Variants in FBXW4 observed in about 807,000 individuals in gnomAD.
FBXW4 encodes the protein F-box and WD repeat domain containing 4.
In FBXW4, 40 loss-of-function variants were observed where a neutral mutation model predicts 61.8. The observed-to-expected ratio is 0.65, with a 90% CI of 0.50 to 0.84. The LOEUF (loss-of-function observed/expected upper bound fraction) is 0.84. Ranked by LOEUF, FBXW4 falls within the 40% of genes least tolerant of loss-of-function variation. The pLI is 0.00. For synonymous variants in FBXW4, 311 were observed against 313.8 expected (o/e 0.99, Z 0.10); for missense variants, 672 against 753.8 (o/e 0.89, Z 1.27).
rs753318722 is a variant in FBXW4, at chr10:101,667,844, T to G, written c.1235+42A>C. 5.2e-6 allele frequency: 8 copies of G among 1,527,716 alleles called. No individual in the cohort carries two copies. The East Asian group carries it at 1.8e-4, about 35-fold the overall frequency. 94.6% of individuals were successfully genotyped at this position (1,527,716 alleles called of 1,614,324 possible). On this transcript the variant is annotated intron_variant, in intron 5 of 8. Transcript: ENST00000331272. ...ACCTGATCTAGTAAAATAAAAGCATTATTATACAGGACAAAACCACATCCA... is the reference window on the plus strand; with the variant it reads ...ACCTGATCTAGTAAAATAAAAGCATGATTATACAGGACAAAACCACATCCA...
intron 5 of FBXW4, among the ~76,000 whole-genome samples, chr10:101,632,216 A>C (rs559402289): frequency 5.1e-4 from 77 of 152,110 alleles, no homozygotes; most frequent in Admixed American, 9.2e-4. Flanking sequence ...TTCTCTACAC[A>C]CACACACACA....
chr10:101,629,696 A>G (rs1192040862), intron 5 of FBXW4, among the ~76,000 whole-genome samples: 1 of 151,860 alleles, frequency 6.6e-6, no homozygotes. Flanking sequence ...GTCAGTCTTG[A>G]TTCCAGACCC....
At chr10:101,695,218 G>A (rs1444880797), upstream of FBXW4, 2 of 983,702 alleles carry the variant, frequency 2.0e-6, no homozygotes, top group African/African-American at 3.5e-5. This position sits in a 1 kb window ranked among gnomAD's most constrained non-coding sequence, Gnocchi z 4.2. Context: ...CGCGGGCCGA[G>A]CCCTGGGCAC....
intron 5 of FBXW4, chr10:101,660,342 G>GGGC: frequency 8.2e-6 from 1 of 122,392 alleles, no homozygotes; most frequent in Non-Finnish European, 1.7e-5. Context: ...GGGGGGGTGG[G>GGGC]TGCTGCATGT....
At chr10:101,624,891 G>T in intron 5 of FBXW4, 81 bp from the exon 6 acceptor site, 1 of 1,458,924 alleles carries the variant, frequency 6.9e-7, no homozygotes, top group Non-Finnish European at 9.6e-7. Context: ...GAAATGCCGT[G>T]CTCATTCCCT....
At chr10:101,634,384 CA>C (rs2063983626) in intron 5 of FBXW4, among the ~76,000 whole-genome samples, 1 of 148,952 alleles carries the variant, frequency 6.7e-6, no homozygotes, top group African/African-American at 2.5e-5. Context: ...AAATTCAATA[CA>C]GTCCCATCTA....
rs2063894212 is a variant in FBXW4 at position 101,624,747 on chromosome 10, G to A, written c.1299C>T (p.Asn433=). 1 of 1,614,004 alleles carries A rather than the reference G, an allele frequency of 6.2e-7. No homozygotes were observed. The highest frequency in any genetic ancestry group is 1.7e-5 in the Admixed American group (1 of 60,012). The change falls in exon 6 of 9, where the codon AAC becomes AAT. Residue 433 remains asparagine, a splice_region_variant and synonymous_variant. Coordinates refer to ENST00000331272, the MANE Select transcript of FBXW4 (RefSeq NM_022039.4). Reference sequence around the variant, plus strand: ...GCATGGGCTCATGAATCTCTTACCTGTTGAGGTCCCAGATTCTCAGGGGTG... The same window carrying A: ...GCATGGGCTCATGAATCTCTTACCTATTGAGGTCCCAGATTCTCAGGGGTG... The part of the protein sequence containing the change: ...HFSPLRIWDL[N]SGQLMTHLGS...
chr10:101,694,592 C>T lies in FBXW4; in HGVS notation c.514G>A (p.Glu172Lys). Residue 172 changes from glutamate to lysine, a missense_variant, in exon 1 of 9, where the codon GAG (glutamate) becomes AAG (lysine). Physicochemically the swap from Glu to Lys is moderately conservative, Grantham distance 56. This residue lies in a region of FBXW4 where 311 missense variants were observed against 301.1 expected (regional missense o/e 1.03). Coordinates refer to ENST00000331272, the MANE Select transcript of FBXW4 (RefSeq NM_022039.4). This position sits in a 1 kb window ranked among gnomAD's most constrained non-coding sequence, Gnocchi z 6.0. ...EEEEEEEAARESAARPAAGPA... is the reference protein window; with the variant it reads ...EEEEEEEAARKSAARPAAGPA... ...CCCGCGGCCGGGCGGGCAGCCGACTCCCGAGCCGCCTCCTCCTCCTCCTCC... is the reference window on the plus strand; with the variant it reads ...CCCGCGGCCGGGCGGGCAGCCGACTTCCGAGCCGCCTCCTCCTCCTCCTCC... 2.1e-6 allele frequency: 3 copies of T among 1,453,308 alleles called. No individual in the cohort carries two copies. The South Asian group carries it at 4.2e-5, about 20-fold the overall frequency. 90.0% of individuals were successfully genotyped at this position (1,453,308 alleles called of 1,614,324 possible).
intron 5 of FBXW4, chr10:101,627,987 G>A: frequency 1.0e-6 from 1 of 985,392 alleles, no homozygotes; most frequent in East Asian, 1.1e-4. Flanking sequence ...CTGATAACCT[G>A]TTCGATTTGA....
intron 5 of FBXW4, among the ~76,000 whole-genome samples, chr10:101,637,106 G>A (rs1004761132): frequency 6.0e-5 from 9 of 149,640 alleles, no homozygotes; most frequent in African/African-American, 1.5e-4. Context: ...ACCATGGGCC[G>A]GGCACGGTGG....
In FBXW4 at chr10:101,647,975, G is replaced by A. The variant is rs115290522; in HGVS notation, c.1235+19911C>T. On this transcript the variant is annotated intron_variant, in intron 5 of 8. Transcript: ENST00000331272. Reference sequence around the variant, plus strand: ...CCTGATGATAACTTGCTCGGAATCTGCAGGGAGGGAGATAAAAATGAGCTG... The same window carrying A: ...CCTGATGATAACTTGCTCGGAATCTACAGGGAGGGAGATAAAAATGAGCTG... Among the ~76,000 whole-genome samples, 1,077 of 152,286 alleles carry A rather than the reference G, an allele frequency of 7.1e-3. 14 individuals are homozygous for A. Among genetic ancestry groups the A allele is most frequent in the African/African-American group, 0.025 (1,024 of 41,548 alleles).
At chr10:101,690,236 C>T (rs1485680885) in intron 1 of FBXW4, among the ~76,000 whole-genome samples, 2 of 152,212 alleles carry the variant, frequency 1.3e-5, no homozygotes, top group African/African-American at 2.4e-5. Flanking sequence ...TGCATTCAGT[C>T]TACATTATCA....
At chr10:101,651,231 A>C (rs1278054620) in intron 5 of FBXW4, among the ~76,000 whole-genome samples, 1 of 152,092 alleles carries the variant, frequency 6.6e-6, no homozygotes, top group East Asian at 1.9e-4. Context: ...GGGGCCCGCC[A>C]AACACCCTGG....
rs1323015992 is a variant in FBXW4, at chr10:101,612,238, G to C, written c.1442+99C>G. On this transcript the variant is annotated intron_variant, in intron 7 of 8. Coordinates refer to ENST00000331272, the MANE Select transcript of FBXW4 (RefSeq NM_022039.4). ...TCTTCCTTCCCAGCCCTGACATGGA[G>C]TCTCTGTGCCCTCTCCCATGGGCCA... The C allele has an allele frequency of 3.1e-6, 4 of 1,293,498 alleles. No individual in the cohort carries two copies. The Admixed American group carries it at 1.0e-4, about 33-fold the overall frequency. The allele number at this position is 1,293,498 out of a possible 1,614,324, so 80.1% of individuals were successfully genotyped here.
At chr10:101,693,795 C>G (rs776641318) in intron 1 of FBXW4, among the ~76,000 whole-genome samples, 3 of 152,268 alleles carry the variant, frequency 2.0e-5, no homozygotes, top group Middle Eastern at 3.4e-3. Context: ...TGGACAGACT[C>G]CAGCCTCCTG....
At chr10:101,630,907 G>A (rs1004631331) in intron 5 of FBXW4, among the ~76,000 whole-genome samples, 2 of 152,210 alleles carry the variant, frequency 1.3e-5, no homozygotes, top group African/African-American at 2.4e-5. Flanking sequence ...CCTCTAGAGC[G>A]CAGCTCCAGA....
intron 5 of FBXW4, among the ~76,000 whole-genome samples, chr10:101,638,610 T>A (rs1262271554): frequency 6.6e-6 from 1 of 152,146 alleles, no homozygotes; most frequent in East Asian, 1.9e-4. Context: ...TATTTATGTA[T>A]CACTTATGTA....
intron 5 of FBXW4, among the ~76,000 whole-genome samples, chr10:101,636,588 CTT>C (rs148076154): frequency 3.8e-4 from 55 of 143,608 alleles, no homozygotes; most frequent in Non-Finnish European, 4.0e-4. Context: ...TGATTACTAT[CTT>C]TTTTTTTTTT....
intron 1 of FBXW4, among the ~76,000 whole-genome samples, chr10:101,693,737 C>T (rs2064636278): frequency 6.6e-6 from 1 of 152,146 alleles, no homozygotes; most frequent in African/African-American, 2.4e-5. Flanking sequence ...AGGTCTCAGA[C>T]CCTACCAAAA....
Sources: allele counts gnomAD v4.1 joint callset (sites outside exome capture counted in the v4.1 genomes callset), GRCh38; gene constraint gnomAD v4.1.1; regional missense constraint gnomAD v4.1.1; non-coding constraint Gnocchi (gnomAD v3.1); transcripts MANE v1.5; gene names NCBI Gene and HGNC (gene_info 2026-07-23, HGNC 2026-07-21).